The following CTCF variants were observed in gnomAD, a reference collection of about 807,000 sequenced individuals.
CTCF encodes the protein transcriptional repressor CTCF.
In CTCF, 7 loss-of-function variants were observed where a neutral mutation model predicts 72.3. The observed-to-expected ratio is 0.10, with a 90% confidence interval of 0.06 to 0.18. CTCF has a LOEUF of 0.18. Among genes scored for constraint, CTCF ranks in the 10% least tolerant of loss-of-function variants. CTCF has a pLI of 1.00. For missense variants in CTCF, 516 were observed against 949.1 expected, an observed-to-expected ratio of 0.54 and a Z score of 6.00; for synonymous variants, 374 against 315.8, an observed-to-expected ratio of 1.18 and a Z score of -1.95.
intron 2 of CTCF, among the ~76,000 whole-genome samples, chr16:67,571,583 T>G (rs2051420939): frequency 6.6e-6 from 1 of 152,200 alleles, no homozygotes. Flanking sequence ...TCTGAACATG[T>G]ACATAGAAAG....
intron 5 of CTCF, among the ~76,000 whole-genome samples, 192 bp from the exon 6 acceptor site, chr16:67,620,505 C>T (rs556432852): frequency 6.6e-6 from 1 of 152,266 alleles, no homozygotes; most frequent in South Asian, 2.1e-4. Flanking sequence ...TTCATTTACC[C>T]ACTTCTCTTA....
intron 2 of CTCF, among the ~76,000 whole-genome samples, chr16:67,600,938 A>G (rs1448464284): frequency 2.6e-5 from 4 of 152,192 alleles, no homozygotes; most frequent in African/African-American, 9.7e-5. Flanking sequence ...CCTAGAAGGC[A>G]TGGGCGACTC....
At position 67,571,584 on chromosome 16, in the gene CTCF, A is replaced by G. The variant is rs142075387; in HGVS notation, c.-10+320A>G. Among the ~76,000 whole-genome samples, 24 of 152,332 alleles carry G rather than the reference A, an allele frequency of 1.6e-4. No homozygotes were observed. The East Asian group carries it at 2.5e-3, about 16-fold the overall frequency. ...GCTTTAAGTACTATTCTGAACATGTACATAGAAAGATCCCAGGAAATTGTG... is the reference window on the plus strand; with the variant it reads ...GCTTTAAGTACTATTCTGAACATGTGCATAGAAAGATCCCAGGAAATTGTG... On this transcript the variant is annotated intron_variant, in intron 2 of 11. Coordinates refer to ENST00000264010, the MANE Select transcript of CTCF (RefSeq NM_006565.4).
At chr16:67,629,343 A>T (rs942758409) in intron 9 of CTCF, 55 bp from the exon 10 acceptor site, 4 of 1,529,756 alleles carry the variant, frequency 2.6e-6, no homozygotes, top group Non-Finnish European at 3.5e-6. Flanking sequence ...AATAACTTCC[A>T]ATCTGATCTT....
At chr16:67,572,527 G>T (rs2051436872) in intron 2 of CTCF, 1 of 152,192 alleles carries the variant, frequency 6.6e-6, no homozygotes, top group Admixed American at 6.6e-5. Flanking sequence ...TCACAAGAAA[G>T]ATAAACATGA....
intron 2 of CTCF, among the ~76,000 whole-genome samples, chr16:67,590,919 C>G (rs1597695492): frequency 7.0e-6 from 1 of 143,812 alleles, no homozygotes; most frequent in African/African-American, 2.6e-5. Context: ...TGAGATGGCA[C>G]CATTGCACTC....
rs2051795145 is a variant in CTCF at position 67,595,190 on chromosome 16, A to C, written c.-9-15634A>C. Among the ~76,000 whole-genome samples, 4 of 152,254 alleles carry C rather than the reference A, an allele frequency of 2.6e-5. No homozygotes were observed. The South Asian group carries it at 8.3e-4, about 32-fold the overall frequency. On this transcript the variant is annotated intron_variant, in intron 2 of 11. Coordinates refer to ENST00000264010, the MANE Select transcript of CTCF (RefSeq NM_006565.4). The stretch of plus-strand genomic sequence containing the variant: ...TAGAACAAGACTGGCCAGCCTGCAA[A>C]GCTGTTCTGTCTCTTCCTACCACCC...
chr16:67,624,672 A>T (rs2052259327), intron 7 of CTCF, among the ~76,000 whole-genome samples: 1 of 151,796 alleles, frequency 6.6e-6, no homozygotes, highest in South Asian at 2.1e-4. Context: ...GGCTCACTGC[A>T]GCATCGACCA....
chr16:67,624,531 T>G (rs1344185747), intron 7 of CTCF, among the ~76,000 whole-genome samples: 1 of 152,122 alleles, frequency 6.6e-6, no homozygotes, highest in Admixed American at 6.6e-5. Flanking sequence ...TCTTACTTCT[T>G]TAAACTTTCT....
At position 67,604,224 on chromosome 16, in the gene CTCF, A is replaced by G. The variant is rs867521674; in HGVS notation, c.-9-6600A>G. ...CTTGGCAGACTGAGGCAGGAGGATC[A>G]CTGGAGCCCAGGAGTTGGAGGTTAC... On this transcript the variant is annotated intron_variant, in intron 2 of 11. Transcript: ENST00000264010. 6.6e-5 allele frequency among the ~76,000 whole-genome samples: 10 copies of G among 152,022 alleles called. No homozygotes were observed. The South Asian group carries it at 1.2e-3, about 19-fold the overall frequency.
chr16:67,609,316 T>C (rs2052024444), intron 2 of CTCF, among the ~76,000 whole-genome samples: 5 of 152,224 alleles, frequency 3.3e-5, no homozygotes, highest in Admixed American at 3.3e-4. Context: ...TTATTAACTG[T>C]AATATTCATG....
rs200359059 is a variant in CTCF, at chr16:67,629,384, G to A, written c.1702-14G>A. 8.5e-5 allele frequency: 136 copies of A among 1,591,050 alleles called. No homozygotes were observed. The South Asian group carries it at 1.1e-3, about 13-fold the overall frequency. ...TTTTAGTGGTGTGAAAGAGGATTTT[G>A]TTCTTTTTGTTAGAATACCATGGCA... On this transcript the variant is annotated splice_polypyrimidine_tract_variant and intron_variant, in intron 9 of 11. Transcript: ENST00000264010.
At chr16:67,580,054 G>A (rs967371059) in intron 2 of CTCF, among the ~76,000 whole-genome samples, 3 of 152,142 alleles carry the variant, frequency 2.0e-5, no homozygotes, top group Non-Finnish European at 4.4e-5. Context: ...GAAATCCGTG[G>A]CCGCTGTGTG....
intron 10 of CTCF, among the ~76,000 whole-genome samples, chr16:67,632,446 CTT>C (rs1329783718): frequency 6.6e-6 from 1 of 152,198 alleles, no homozygotes; most frequent in African/African-American, 2.4e-5. Flanking sequence ...CCTAGTGACT[CTT>C]TATCTCCCCC....
intron 2 of CTCF, among the ~76,000 whole-genome samples, chr16:67,575,685 C>T (rs914367594): frequency 1.3e-5 from 2 of 151,882 alleles, no homozygotes; most frequent in South Asian, 2.1e-4. Flanking sequence ...TCAGGTGATC[C>T]GCCCACCTTG....
chr16:67,616,939 A>G (rs1424939772), intron 5 of CTCF, 61 bp downstream of exon 5: 10 of 1,554,258 alleles, frequency 6.4e-6, no homozygotes, highest in Non-Finnish European at 5.3e-6. Context: ...TTTCAATACA[A>G]AGCTATAACT....
chr16:67,613,779 AAAATAAAT>A (rs569094850), intron 4 of CTCF, among the ~76,000 whole-genome samples: 11 of 152,102 alleles, frequency 7.2e-5, no homozygotes, highest in African/African-American at 1.2e-4. Flanking sequence ...CTGCCTCACC[AAAATAAAT>A]AAATAAATAA....
intron 2 of CTCF, among the ~76,000 whole-genome samples, chr16:67,574,121 C>T (rs1308153018): frequency 6.6e-6 from 1 of 152,146 alleles, no homozygotes; most frequent in Admixed American, 6.6e-5. Flanking sequence ...CATCCAACAC[C>T]ATCTACCCAA....
intron 2 of CTCF, among the ~76,000 whole-genome samples, chr16:67,604,235 G>A (rs568849915): frequency 4.6e-5 from 7 of 152,190 alleles, no homozygotes; most frequent in African/African-American, 1.4e-4. Flanking sequence ...CTGGAGCCCA[G>A]GAGTTGGAGG....
Sources: gnomAD v4.1 joint callset for allele counts (sites outside exome capture counted in the v4.1 genomes callset) on GRCh38, gnomAD v4.1.1 for gene constraint, MANE v1.5 for transcripts, NCBI Gene and HGNC (gene_info 2026-07-23, HGNC 2026-07-21) for gene names.